BRAF: variants seen among roughly 807,000 people sequenced by gnomAD.
BRAF encodes the protein B-Raf proto-oncogene, serine/threonine kinase.
BRAF carries 16 observed loss-of-function variants against 104.6 expected under a neutral mutation model. That is an observed-to-expected ratio of 0.15 (90% CI 0.10 to 0.23). BRAF has a LOEUF of 0.23. BRAF is among the 10% of genes least tolerant of loss of function. BRAF has a pLI of 1.00. For synonymous variants in BRAF, 310 were observed against 341.6 expected, an observed-to-expected ratio of 0.91 and a Z score of 1.02; for missense variants, 541 against 937.3, an observed-to-expected ratio of 0.58 and a Z score of 5.52.
intron 6 of BRAF, 83 bp from the exon 7 acceptor site, chr7:140,800,564 T>C: frequency 6.3e-7 from 1 of 1,596,926 alleles, no homozygotes; most frequent in Non-Finnish European, 8.6e-7. Flanking sequence ...CCAAAAAAAC[T>C]GAGATCAAAT....
chr7:140,745,441 G>A (rs1308919803), intron 17 of BRAF, among the ~76,000 whole-genome samples: 2 of 152,190 alleles, frequency 1.3e-5, no homozygotes, highest in African/African-American at 2.4e-5. Context: ...GGGGTGGGGT[G>A]CAGAGGCTGA....
chr7:140,736,792 T>C (rs981038734), intron 18 of BRAF, among the ~76,000 whole-genome samples: 19 of 151,838 alleles, frequency 1.3e-4, no homozygotes, highest in Non-Finnish European at 2.4e-4. Context: ...ATCCCAGCAC[T>C]TTGGGAGGCT....
chr7:140,839,211 A>C (rs1305372154), intron 2 of BRAF, among the ~76,000 whole-genome samples: 1 of 152,150 alleles, frequency 6.6e-6, no homozygotes, highest in Non-Finnish European at 1.5e-5. Flanking sequence ...ATGTTGGCTC[A>C]CGCCTGCAAT....
intron 2 of BRAF, among the ~76,000 whole-genome samples, chr7:140,839,079 A>G (rs1586355645): frequency 2.0e-5 from 3 of 152,330 alleles, no homozygotes. Context: ...AGACAATTCA[A>G]TGCAGAAAGA....
chr7:140,841,503 T>C (rs557429817), intron 2 of BRAF, among the ~76,000 whole-genome samples: 5 of 152,272 alleles, frequency 3.3e-5, no homozygotes, highest in South Asian at 4.2e-4. Flanking sequence ...GTTCATCAGT[T>C]GATGAATGGA....
intron 8 of BRAF, among the ~76,000 whole-genome samples, chr7:140,790,471 A>G (rs1464400254): frequency 2.6e-5 from 4 of 152,146 alleles, no homozygotes; most frequent in Non-Finnish European, 5.9e-5. Flanking sequence ...AAGCCATCAA[A>G]CAACTTTTCT....
At chr7:140,878,816 C>G (rs545242197) in intron 1 of BRAF, among the ~76,000 whole-genome samples, 1 of 152,252 alleles carries the variant, frequency 6.6e-6, no homozygotes, top group African/African-American at 2.4e-5. Flanking sequence ...GCATTGCGCA[C>G]TGTATACCTA....
intron 2 of BRAF, among the ~76,000 whole-genome samples, chr7:140,836,783 C>T (rs976111844): frequency 2.0e-5 from 3 of 152,134 alleles, no homozygotes; most frequent in Non-Finnish European, 2.9e-5. Flanking sequence ...CAGACTACAA[C>T]CACACATAAG....
intron 7 of BRAF, among the ~76,000 whole-genome samples, chr7:140,797,150 C>A (rs1168974267): frequency 6.6e-6 from 1 of 152,052 alleles, no homozygotes; most frequent in African/African-American, 2.4e-5. Flanking sequence ...TAAAGCAGTA[C>A]CAAATTAAAG....
intron 14 of BRAF, among the ~76,000 whole-genome samples, chr7:140,773,948 G>T (rs1468858103): frequency 6.6e-6 from 1 of 152,090 alleles, no homozygotes; most frequent in East Asian, 1.9e-4. Flanking sequence ...CTTTATTACA[G>T]TTTTAGTGGA....
intron 14 of BRAF, 59 bp downstream of exon 13, chr7:140,776,853 A>T (rs2129018012): frequency 1.3e-6 from 2 of 1,539,926 alleles, no homozygotes; most frequent in Non-Finnish European, 1.8e-6. Flanking sequence ...CAAAACCTTT[A>T]AAACATCCTC....
chr7:140,862,595 G>A (rs539671952), intron 1 of BRAF, among the ~76,000 whole-genome samples: 3 of 152,066 alleles, frequency 2.0e-5, no homozygotes, highest in Admixed American at 6.5e-5. Flanking sequence ...AATTCAAAAC[G>A]GAAAACTCTA....
intron 1 of BRAF, among the ~76,000 whole-genome samples, chr7:140,863,570 T>C (rs1810631949): frequency 6.6e-6 from 1 of 152,240 alleles, no homozygotes; most frequent in Admixed American, 6.5e-5. Flanking sequence ...CCCCACCCAA[T>C]CTCATGTCAA....
rs1795322558 is a variant in BRAF, at chr7:140,721,493, GCTTA to G, written c.*4997_*5000del. ...GGTTATTTGAAAACAACAAAACAGA[GCTTA>G]CTGTCTAGTGTACTAATAAAACAAA... is the stretch of plus-strand genomic sequence containing the variant. On this transcript the variant is annotated 3_prime_UTR_variant, in exon 20 of 20. Coordinates refer to ENST00000644969, the MANE Select transcript of BRAF (RefSeq NM_001374258.1). 25 of 1,296,784 alleles carry G rather than the reference GCTTA, an allele frequency of 1.9e-5. No homozygotes were observed. Among genetic ancestry groups the G allele is most frequent in the Non-Finnish European group, 2.2e-5 (23 of 1,022,452 alleles). The allele number at this position is 1,296,784 out of a possible 1,614,324, so 80.3% of individuals were successfully genotyped here. A position where few individuals can be genotyped will look rare whatever the true frequency, so the allele number is the denominator to read the frequency against.
intron 1 of BRAF, among the ~76,000 whole-genome samples, chr7:140,903,348 T>C (rs1181889858): frequency 1.3e-5 from 2 of 152,214 alleles, no homozygotes; most frequent in Non-Finnish European, 1.5e-5. Context: ...CTGTCTGTGC[T>C]CTGTAAATGG....
rs2130827794 is a variant in BRAF at position 140,724,653 on chromosome 7, AGCTTTTAGTG to A, written c.*1831_*1840del. On this transcript the variant is annotated 3_prime_UTR_variant, in exon 20 of 20. Transcript: ENST00000644969. Reference sequence around the variant, plus strand: ...TGTTAGCAAAAATCTAATGGTAGTGAGCTTTTAGTGGCTGCAATATAGACAGCAGGGCCTG... The same window carrying A: ...TGTTAGCAAAAATCTAATGGTAGTGAGCTGCAATATAGACAGCAGGGCCTG... The A allele has an allele frequency of 9.7e-7, 1 of 1,035,350 alleles. No individual in the cohort carries two copies. The highest frequency in any genetic ancestry group is 6.0e-5 in the East Asian group (1 of 16,674). The allele number at this position is 1,035,350 out of a possible 1,614,324, so 64.1% of individuals were successfully genotyped here.
intron 2 of BRAF, among the ~76,000 whole-genome samples, chr7:140,840,082 AC>A (rs1362058392): frequency 2.0e-5 from 3 of 152,204 alleles, no homozygotes; most frequent in Non-Finnish European, 4.4e-5. Flanking sequence ...GGGAAGCAGT[AC>A]CCTTAAGGCA....
chr7:140,805,363 A>C (rs2129046621), intron 5 of BRAF, among the ~76,000 whole-genome samples: 1 of 152,302 alleles, frequency 6.6e-6, no homozygotes, highest in East Asian at 1.9e-4. Context: ...TAAAATCTTT[A>C]AAATTTTTTA....
chr7:140,828,006 C>T (rs1562981330), intron 3 of BRAF, among the ~76,000 whole-genome samples: 1 of 152,152 alleles, frequency 6.6e-6, no homozygotes, highest in East Asian at 1.9e-4. Context: ...AAGCGATTCT[C>T]CTGCCTCAGC....
Sources: allele counts gnomAD v4.1 joint callset (sites outside exome capture counted in the v4.1 genomes callset), GRCh38; gene constraint gnomAD v4.1.1; transcripts MANE v1.5; gene names NCBI Gene and HGNC (gene_info 2026-07-23, HGNC 2026-07-21).